MTA3: variants seen among roughly 807,000 people sequenced by gnomAD.
MTA3 encodes metastasis-associated protein MTA3.
Under a neutral mutation model 83.5 loss-of-function variants are expected in MTA3, and 34 were observed. That is an observed-to-expected ratio of 0.41 (90% CI 0.31 to 0.54). The LOEUF (loss-of-function observed/expected upper bound fraction) is 0.54, where lower values mean the gene tolerates loss of function less well. Ranked by LOEUF, MTA3 falls within the 20% of genes least tolerant of loss-of-function variation. The probability of loss-of-function intolerance (pLI) is 0.33; values close to 1 mark genes in which losing one functional copy is unlikely to be tolerated. For missense variants in MTA3, 761 were observed against 726.4 expected (o/e 1.05, Z -0.55); for synonymous variants, 303 against 252.7 (o/e 1.20, Z -1.89).
intron 8 of MTA3, among the ~76,000 whole-genome samples, chr2:42,667,683 G>A (rs923536443): frequency 4.7e-5 from 7 of 149,690 alleles, no homozygotes; most frequent in African/African-American, 1.2e-4. Context: ...CCCTCAGCCT[G>A]GAATGCAGTG....
At chr2:42,501,806 T>C (rs1430219056) in intron 2 of MTA3, among the ~76,000 whole-genome samples, 6 of 151,962 alleles carry the variant, frequency 3.9e-5, no homozygotes, top group Non-Finnish European at 8.8e-5. Context: ...GGTGAAACCC[T>C]GTCTCTCCTA....
At chr2:42,581,776 T>C in intron 3 of MTA3, 1 of 295,938 alleles carries the variant, frequency 3.4e-6, no homozygotes, top group Non-Finnish European at 6.6e-6. Flanking sequence ...TTTATTTTTA[T>C]TTATTTAGAG....
At chr2:42,698,600 T>C (rs1693594571) in intron 11 of MTA3, 1 of 152,206 alleles carries the variant, frequency 6.6e-6, no homozygotes, top group Non-Finnish European at 1.5e-5. Flanking sequence ...TAGTTTCTTT[T>C]AGGATTAAAA....
At chr2:42,673,627 C>T (rs1036171974) in intron 8 of MTA3, among the ~76,000 whole-genome samples, 1 of 152,124 alleles carries the variant, frequency 6.6e-6, no homozygotes, top group African/African-American at 2.4e-5. Flanking sequence ...AGGGATTCCC[C>T]TTGGGATCAG....
rs559194382 is a variant in MTA3, at chr2:42,707,284, C to T, written c.1151-619C>T. Among the ~76,000 whole-genome samples, 80 of 151,912 alleles carry T rather than the reference C, an allele frequency of 5.3e-4. No individual in the cohort carries two copies. The Middle Eastern group carries it at 0.01, about 19-fold the overall frequency. ...TTTGAGATGGAGCCTCACTCTGTCG[C>T]CCAGGCTGGAGTGCAGTGGCGTGAT... On this transcript the variant is annotated intron_variant, in intron 12 of 16. Coordinates refer to ENST00000405094, the MANE Select transcript of MTA3 (RefSeq NM_001330442.2).
chr2:42,713,225 G>A (rs1666766390), intron 14 of MTA3, among the ~76,000 whole-genome samples: 1 of 152,194 alleles, frequency 6.6e-6, no homozygotes, highest in Non-Finnish European at 1.5e-5. Context: ...CCTGTATGAG[G>A]TTATTTGGGA....
intron 2 of MTA3, among the ~76,000 whole-genome samples, chr2:42,509,948 C>A (rs978921188): frequency 6.6e-6 from 1 of 152,054 alleles, no homozygotes; most frequent in Non-Finnish European, 1.5e-5. Flanking sequence ...CTTCTGTTTT[C>A]TTAAATGGTT....
rs575454223 is a variant in MTA3, at chr2:42,674,261, G to C, written c.703-8140G>C. ...GAAGAATACTCTCCTGTGGAGGTGTGGGGGAGGGAATGAATATTTGCTGAA... is the reference window on the plus strand; with the variant it reads ...GAAGAATACTCTCCTGTGGAGGTGTCGGGGAGGGAATGAATATTTGCTGAA... On this transcript the variant is annotated intron_variant, in intron 8 of 16. Transcript: ENST00000405094. Among the ~76,000 whole-genome samples the C allele has an allele frequency of 2.6e-5, 4 of 152,212 alleles. No homozygotes were observed. The South Asian group carries it at 6.2e-4, about 24-fold the overall frequency.
chr2:42,663,781 C>T (rs1689957556), intron 8 of MTA3, among the ~76,000 whole-genome samples: 1 of 152,156 alleles, frequency 6.6e-6, no homozygotes, highest in African/African-American at 2.4e-5. Context: ...TGTGTAGTTT[C>T]TGTAATACTT....
chr2:42,722,208 A>G (rs1271759234), intron 15 of MTA3, among the ~76,000 whole-genome samples: 2 of 152,350 alleles, frequency 1.3e-5, no homozygotes, highest in African/African-American at 4.8e-5. Context: ...GTTTCTGTCC[A>G]TCTACAATAA....
At chr2:42,617,161 G>C (rs1453090723) in intron 4 of MTA3, among the ~76,000 whole-genome samples, 2 of 152,160 alleles carry the variant, frequency 1.3e-5, no homozygotes, top group African/African-American at 4.8e-5. Flanking sequence ...GAATACTGTA[G>C]TTCTTATCTT....
chr2:42,718,114 CT>C (rs1306677234), intron 14 of MTA3, among the ~76,000 whole-genome samples: 16 of 93,208 alleles, frequency 1.7e-4, no homozygotes, highest in Non-Finnish European at 3.0e-4. Context: ...TTTTTTTTCG[CT>C]TTATTTCTAG....
chr2:42,511,148 T>C (rs1435775875), intron 2 of MTA3, among the ~76,000 whole-genome samples: 1 of 152,152 alleles, frequency 6.6e-6, no homozygotes, highest in Non-Finnish European at 1.5e-5. Context: ...TGAAGTGAAG[T>C]GTATGGCATT....
chr2:42,623,899 G>C (rs1005777105), intron 4 of MTA3, among the ~76,000 whole-genome samples: 1 of 151,996 alleles, frequency 6.6e-6, no homozygotes. Context: ...CACCATGGTG[G>C]CCAGCTGGTC....
At chr2:42,684,299 T>C (rs1692188766) in intron 9 of MTA3, among the ~76,000 whole-genome samples, 1 of 152,214 alleles carries the variant, frequency 6.6e-6, no homozygotes. Flanking sequence ...TGTGAGCCAA[T>C]AGCCTGCCTT....
chr2:42,679,617 C>T (rs1432481714), intron 8 of MTA3, among the ~76,000 whole-genome samples: 1 of 152,164 alleles, frequency 6.6e-6, no homozygotes, highest in Non-Finnish European at 1.5e-5. Context: ...TCATGGGAAC[C>T]CATGCAGAAG....
chr2:42,756,569 T>C lies in MTA3; in HGVS notation c.*3170T>C, dbSNP rs1311839841. 2.0e-6 allele frequency: 2 copies of C among 985,662 alleles called. No individual in the cohort carries two copies. Among genetic ancestry groups the C allele is most frequent in the Non-Finnish European group, 2.4e-6 (2 of 830,196 alleles). 61.1% of individuals were successfully genotyped at this position (985,662 alleles called of 1,614,324 possible). The stretch of plus-strand genomic sequence containing the variant: ...CCCTGGCGAGGGGAGGTGGAGGAGC[T>C]GCCCCGTGGGTGTTTGGAGATTCTG... On this transcript the variant is annotated 3_prime_UTR_variant, in exon 17 of 17. Coordinates refer to ENST00000405094, the MANE Select transcript of MTA3 (RefSeq NM_001330442.2).
intron 2 of MTA3, among the ~76,000 whole-genome samples, chr2:42,520,278 C>A (rs553122738): frequency 1.3e-5 from 2 of 152,126 alleles, no homozygotes; most frequent in African/African-American, 2.4e-5. Context: ...ATCTCCCGTT[C>A]TTTTCCAATT....
At chr2:42,599,532 G>C in intron 3 of MTA3, among the ~76,000 whole-genome samples, 1 of 152,050 alleles carries the variant, frequency 6.6e-6, no homozygotes, top group Admixed American at 6.6e-5. Flanking sequence ...GGAGGTTGCA[G>C]TGAGCCGAGA....
Sources: allele counts gnomAD v4.1 joint callset (sites outside exome capture counted in the v4.1 genomes callset), GRCh38; gene constraint gnomAD v4.1.1; transcripts MANE v1.5; gene names NCBI Gene and HGNC (gene_info 2026-07-23, HGNC 2026-07-21).